PLEKHA5: variants seen among roughly 807,000 people sequenced by gnomAD.
The protein encoded by PLEKHA5 is pleckstrin homology domain-containing family A member 5.
In PLEKHA5, 55 loss-of-function variants were observed where a neutral mutation model predicts 181.9. The observed-to-expected ratio is 0.30, with a 90% CI of 0.24 to 0.38. The LOEUF is 0.38. Ranked by LOEUF, PLEKHA5 falls within the 10% of genes least tolerant of loss-of-function variation. PLEKHA5 has a pLI of 1.00. For synonymous variants in PLEKHA5, 535 were observed against 529.4 expected (o/e 1.01, Z -0.15); for missense variants, 1,432 against 1,549.5 (o/e 0.92, Z 1.27).
At chr12:19,367,567 T>TTTTTATTTTA (rs199571526) in intron 30 of PLEKHA5, among the ~76,000 whole-genome samples, 190 of 151,324 alleles carry the variant, frequency 1.3e-3, no homozygotes, top group Middle Eastern at 3.4e-3. Context: ...CTTTGCTTCT[T>TTTTTATTTTA]TTTTATTTTA....
intron 30 of PLEKHA5, 90 bp downstream of exon 30, chr12:19,366,199 C>A: frequency 1.9e-6 from 2 of 1,077,438 alleles, no homozygotes; most frequent in Non-Finnish European, 1.4e-6. Context: ...AGAAGGGAAT[C>A]GCTTAAGTAC....
intron 20 of PLEKHA5, among the ~76,000 whole-genome samples, chr12:19,323,622 G>T (rs2091431182): frequency 1.3e-5 from 2 of 151,960 alleles, no homozygotes; most frequent in South Asian, 4.1e-4. Flanking sequence ...TTTGAGACTA[G>T]CCTGGCCAAC....
At chr12:19,256,434 G>C (rs2066895121) in intron 5 of PLEKHA5, among the ~76,000 whole-genome samples, 1 of 152,206 alleles carries the variant, frequency 6.6e-6, no homozygotes, top group Non-Finnish European at 1.5e-5. Flanking sequence ...CACATACAGT[G>C]ATATTGGTTG....
intron 3 of PLEKHA5, among the ~76,000 whole-genome samples, chr12:19,148,423 G>A (rs984431038): frequency 6.6e-6 from 1 of 152,210 alleles, no homozygotes; most frequent in South Asian, 2.1e-4. Context: ...GCTCAGGCAC[G>A]TACTGCTGGC....
chr12:19,247,901 A>T (rs975240546), intron 3 of PLEKHA5, among the ~76,000 whole-genome samples: 8 of 151,742 alleles, frequency 5.3e-5, no homozygotes, highest in Non-Finnish European at 1.0e-4. Context: ...TTAAAAAAAA[A>T]ATTAACTTTT....
At chr12:19,265,563 A>G (rs961193807) in intron 7 of PLEKHA5, among the ~76,000 whole-genome samples, 187 bp from the exon 8 acceptor site, 1 of 152,236 alleles carries the variant, frequency 6.6e-6, no homozygotes, top group African/African-American at 2.4e-5. Flanking sequence ...AGAATGCAGT[A>G]TATATACCAA....
chr12:19,343,076 T>C (rs1195775813), intron 21 of PLEKHA5, among the ~76,000 whole-genome samples: 1 of 152,158 alleles, frequency 6.6e-6, no homozygotes, highest in African/African-American at 2.4e-5. Context: ...ACAAAGCTTA[T>C]TGGAAAGATT....
intron 26 of PLEKHA5, 69 bp downstream of exon 26, chr12:19,354,071 A>ATT: frequency 3.5e-6 from 2 of 564,802 alleles, no homozygotes; most frequent in Non-Finnish European, 3.0e-6. Flanking sequence ...ACATGTTTTC[A>ATT]TTTTCAGTGT....
At chr12:19,159,582 A>T (rs1035327906) in intron 3 of PLEKHA5, among the ~76,000 whole-genome samples, 11 of 152,140 alleles carry the variant, frequency 7.2e-5, no homozygotes, top group Non-Finnish European at 1.5e-4. Context: ...TTCATTTAAA[A>T]TTGTGCACAG....
chr12:19,209,473 A>G (rs1362847884), intron 3 of PLEKHA5, among the ~76,000 whole-genome samples: 2 of 152,218 alleles, frequency 1.3e-5, no homozygotes, highest in African/African-American at 2.4e-5. Context: ...TTGATTCAGT[A>G]TACACAAATC....
chr12:19,207,450 T>A (rs2152122142), intron 3 of PLEKHA5: 1 of 152,282 alleles, frequency 6.6e-6, no homozygotes, highest in Non-Finnish European at 1.5e-5. Flanking sequence ...CTATCTATCT[T>A]ATTGATTTCC....
intron 3 of PLEKHA5, among the ~76,000 whole-genome samples, chr12:19,230,641 G>A (rs1482897016): frequency 2.0e-5 from 3 of 152,152 alleles, no homozygotes; most frequent in African/African-American, 7.2e-5. Context: ...AATGCCGGCC[G>A]GCCACTCTGA....
intron 3 of PLEKHA5, among the ~76,000 whole-genome samples, chr12:19,168,109 C>G (rs1371474634): frequency 6.6e-6 from 1 of 152,070 alleles, no homozygotes; most frequent in Non-Finnish European, 1.5e-5. Flanking sequence ...TGATTACTTT[C>G]AAAACATAAG....
intron 3 of PLEKHA5, among the ~76,000 whole-genome samples, chr12:19,233,750 G>T (rs2060975572): frequency 6.6e-6 from 1 of 152,188 alleles, no homozygotes; most frequent in African/African-American, 2.4e-5. Context: ...GTGCTGAAAC[G>T]TTATTTGGTG....
chr12:19,339,988 T>C (rs545641042), intron 21 of PLEKHA5, among the ~76,000 whole-genome samples: 1 of 152,096 alleles, frequency 6.6e-6, no homozygotes, highest in African/African-American at 2.4e-5. Flanking sequence ...TGGAACAGAA[T>C]AGAGAGTTTA....
At chr12:19,217,882 A>G (rs1157201298) in intron 3 of PLEKHA5, among the ~76,000 whole-genome samples, 1 of 152,222 alleles carries the variant, frequency 6.6e-6, no homozygotes, top group East Asian at 1.9e-4. Flanking sequence ...CAATATTTAC[A>G]AGCTTTCAGA....
At chr12:19,201,945 G>T in intron 3 of PLEKHA5, 1 of 469,064 alleles carries the variant, frequency 2.1e-6, no homozygotes, top group Non-Finnish European at 2.8e-6. Context: ...ACCATAGGTG[G>T]GTTTAATGAA....
intron 15 of PLEKHA5, among the ~76,000 whole-genome samples, chr12:19,295,203 G>C (rs1241281661): frequency 6.6e-6 from 1 of 152,130 alleles, no homozygotes; most frequent in East Asian, 1.9e-4. Flanking sequence ...TAATATATCA[G>C]TAACTCATTT....
chr12:19,174,785 T>C (rs1164016524), intron 3 of PLEKHA5, among the ~76,000 whole-genome samples: 2 of 152,204 alleles, frequency 1.3e-5, no homozygotes, highest in Non-Finnish European at 2.9e-5. Context: ...TTGGTTGTAT[T>C]TTTATCTGTA....
Sources: allele counts gnomAD v4.1 joint callset (sites outside exome capture counted in the v4.1 genomes callset), GRCh38; gene constraint gnomAD v4.1.1; transcripts MANE v1.5; gene names NCBI Gene and HGNC (gene_info 2026-07-23, HGNC 2026-07-21).